The following TSGA10 variants were observed in gnomAD, a reference collection of about 807,000 sequenced individuals.
The protein encoded by TSGA10 is testis specific 10.
A neutral mutation model predicts 96.6 loss-of-function variants in TSGA10; 43 were observed. That is an observed-to-expected ratio of 0.44 (90% CI 0.35 to 0.57). The LOEUF (loss-of-function observed/expected upper bound fraction) is 0.57, where lower values mean the gene tolerates loss of function less well. Among genes scored for constraint, TSGA10 ranks in the 20% least tolerant of loss-of-function variants. TSGA10 has a pLI of 0.01. For missense variants in TSGA10, 703 were observed against 834.4 expected (o/e 0.84, Z 1.94); for synonymous variants, 229 against 269.9 (o/e 0.85, Z 1.48).
intron 10 of TSGA10, among the ~76,000 whole-genome samples, chr2:99,103,595 C>T (rs74767759): frequency 4.1e-4 from 63 of 152,268 alleles, no homozygotes; most frequent in Non-Finnish European, 7.1e-4. Context: ...AACTGCCAAA[C>T]CTGTGCTTTG....
At chr2:99,110,113 C>T (rs2091673896) in intron 5 of TSGA10, among the ~76,000 whole-genome samples, 1 of 152,048 alleles carries the variant, frequency 6.6e-6, no homozygotes, top group African/African-American at 2.4e-5. Flanking sequence ...TGTGGTGAGC[C>T]GAGAATGCGC....
intron 20 of TSGA10, among the ~76,000 whole-genome samples, chr2:99,005,847 T>C (rs1229815416): frequency 3.9e-5 from 6 of 151,988 alleles, no homozygotes; most frequent in Non-Finnish European, 7.4e-5. Flanking sequence ...CAATCCTAAG[T>C]CAAAAGAACA....
At chr2:99,049,441 G>A (rs1264300682) in intron 16 of TSGA10, among the ~76,000 whole-genome samples, 1 of 152,150 alleles carries the variant, frequency 6.6e-6, no homozygotes, top group Non-Finnish European at 1.5e-5. Context: ...GGACATGGAT[G>A]AAGCTGAAAA....
chr2:99,105,466 G>A lies in TSGA10; in HGVS notation c.382-30C>T, dbSNP rs769737283. On this transcript the variant is annotated intron_variant, in intron 8 of 20. Coordinates refer to ENST00000393483, the MANE Select transcript of TSGA10 (RefSeq NM_025244.4). The stretch of plus-strand genomic sequence containing the variant: ...TTAAAAAGCAAAAACAAAATAAAGT[G>A]ATTTCAATATCCCTGAATTTGTGTT... 89 of 1,612,958 alleles carry A rather than the reference G, an allele frequency of 5.5e-5. No individual in the cohort carries two copies. The South Asian group carries it at 9.1e-4, about 17-fold the overall frequency.
intron 1 of TSGA10, among the ~76,000 whole-genome samples, chr2:99,153,552 C>T (rs947550864): frequency 6.6e-6 from 1 of 152,052 alleles, no homozygotes; most frequent in African/African-American, 2.4e-5. Flanking sequence ...AAAACCTCTT[C>T]ATCAAGAAAC....
rs146157800 is a variant in TSGA10 at position 99,058,613 on chromosome 2, C to A, written c.1404+6326G>T. 2.2e-3 allele frequency among the ~76,000 whole-genome samples: 340 copies of A among 152,152 alleles called. 1 individual carries two copies. The highest frequency in any genetic ancestry group is 7.2e-3 in the African/African-American group (300 of 41,526). ...TGATGAAGAGAATAGAGAAATGCTA[C>A]AAATTACCAATAACAAGAATGCAAA... On this transcript the variant is annotated intron_variant, in intron 16 of 20. Coordinates refer to ENST00000393483, the MANE Select transcript of TSGA10 (RefSeq NM_025244.4).
At chr2:99,018,816 T>C (rs992253380) in intron 18 of TSGA10, among the ~76,000 whole-genome samples, 176 bp from the exon 19 acceptor site, 3 of 152,206 alleles carry the variant, frequency 2.0e-5, no homozygotes, top group Non-Finnish European at 2.9e-5. Context: ...ATAGTAAGTA[T>C]GCAGAGTAGC....
At chr2:99,077,191 A>AGTAGGAT (rs907202975) in intron 12 of TSGA10, among the ~76,000 whole-genome samples, 1 of 108,138 alleles carries the variant, frequency 9.2e-6, no homozygotes, top group Non-Finnish European at 1.7e-5. Context: ...TGCAGGCTGG[A>AGTAGGAT]GTAGGATGGC....
chr2:99,037,649 G>C (rs772938627), intron 16 of TSGA10, among the ~76,000 whole-genome samples: 1 of 152,034 alleles, frequency 6.6e-6, no homozygotes, highest in Non-Finnish European at 1.5e-5. Context: ...AGGAGTTCGA[G>C]ACCAGCCTGG....
rs967577778 is a variant in TSGA10 at position 99,081,355 on chromosome 2, C to T, written c.654G>A (p.Gln218=). The T allele has an allele frequency of 1.9e-6, 3 of 1,593,550 alleles. No individual in the cohort carries two copies. The highest frequency in any genetic ancestry group is 2.6e-6 in the Non-Finnish European group (3 of 1,170,022). ...ENTEKDLSDT[Q]RHLAKKKYEL... ...CATATTTTTTCTTAGCAAGGTGTCG[C>T]TGAGTATCAGAAAGATCTTTTTCTG... The change falls in exon 11 of 21, where the codon CAG becomes CAA. Residue 218 remains glutamine (Q), a synonymous_variant. Coordinates refer to ENST00000393483, the MANE Select transcript of TSGA10 (RefSeq NM_025244.4).
chr2:99,077,167 G>A (rs71413817), intron 12 of TSGA10, among the ~76,000 whole-genome samples: 1 of 94,932 alleles, frequency 1.1e-5, no homozygotes, highest in Non-Finnish European at 1.9e-5. Context: ...TTGAGACAGA[G>A]TCTTGCTCTG....
chr2:99,128,569 G>A (rs2092937001), intron 1 of TSGA10, among the ~76,000 whole-genome samples: 1 of 152,162 alleles, frequency 6.6e-6, no homozygotes, highest in Admixed American at 6.5e-5. Flanking sequence ...AAAGCTGCTT[G>A]GAGATCCCTA....
Position 99,073,071 on chromosome 2 carries a change from T to C in TSGA10, c.885A>G (p.Glu295=). 6.3e-7 allele frequency: 1 copy of C among 1,589,410 alleles called. No individual in the cohort carries two copies. Among genetic ancestry groups the C allele is most frequent in the Non-Finnish European group, 8.6e-7 (1 of 1,161,674 alleles). ...ASLGESLAMK[E]KTISGMKNII... ...TATTCTTCATGCCTGAAATGGTCTTTTCCTTGAAAAATAATATAAGTATTA... is the reference window on the plus strand; with the variant it reads ...TATTCTTCATGCCTGAAATGGTCTTCTCCTTGAAAAATAATATAAGTATTA... The change falls in exon 13 of 21, where the codon GAA becomes GAG. Residue 295 remains glutamate (E), a splice_region_variant and synonymous_variant. Coordinates refer to ENST00000393483, the MANE Select transcript of TSGA10 (RefSeq NM_025244.4).
intron 10 of TSGA10, chr2:99,102,427 G>C: frequency 7.4e-6 from 12 of 1,613,954 alleles, no homozygotes; most frequent in South Asian, 1.1e-5. Context: ...GGTGAAATGA[G>C]AGAAATGCAA....
chr2:99,064,534 T>G (rs752067444), intron 16 of TSGA10, among the ~76,000 whole-genome samples: 1 of 152,192 alleles, frequency 6.6e-6, no homozygotes, highest in East Asian at 1.9e-4. Flanking sequence ...AGGAAAGTTA[T>G]GCACACCAGC....
intron 2 of TSGA10, among the ~76,000 whole-genome samples, chr2:99,121,771 C>T (rs2092586160): frequency 6.6e-6 from 1 of 152,096 alleles, no homozygotes; most frequent in South Asian, 2.1e-4. Flanking sequence ...CGGCCAAAAA[C>T]TTCAATTTTG....
chr2:99,071,501 C>T (rs2085955914), intron 14 of TSGA10, among the ~76,000 whole-genome samples: 1 of 151,604 alleles, frequency 6.6e-6, no homozygotes, highest in Admixed American at 6.6e-5. Flanking sequence ...CAAATATAGC[C>T]CTGTTCTCTC....
intron 10 of TSGA10, chr2:99,102,593 T>C: frequency 6.2e-7 from 1 of 1,614,170 alleles, no homozygotes; most frequent in South Asian, 1.1e-5. Flanking sequence ...TGGAACTTGC[T>C]GTACATGCTC....
intron 3 of TSGA10, 77 bp from the exon 4 acceptor site, chr2:99,117,836 CAGGA>C (rs1416354795): frequency 4.3e-6 from 3 of 701,924 alleles, no homozygotes; most frequent in East Asian, 1.3e-4. Flanking sequence ...TGACTGGAAT[CAGGA>C]AGGGAGATTT....
Sources: gnomAD v4.1 joint callset for allele counts (sites outside exome capture counted in the v4.1 genomes callset) on GRCh38, gnomAD v4.1.1 for gene constraint, MANE v1.5 for transcripts, NCBI Gene and HGNC (gene_info 2026-07-23, HGNC 2026-07-21) for gene names.